Variants in LIMS1 observed in about 807,000 individuals in gnomAD.
LIMS1 encodes the protein LIM zinc finger domain containing 1.
In LIMS1, 18 loss-of-function variants were observed where a neutral mutation model predicts 44.1. The ratio of observed to expected loss-of-function variants is 0.41; its 90% CI spans 0.28 to 0.61. The LOEUF is 0.61. Ranked by LOEUF, LIMS1 falls within the 20% of genes least tolerant of loss-of-function variation. LIMS1 has a pLI of 0.32. For synonymous variants in LIMS1, 93 were observed against 149.1 expected (o/e 0.62, Z 2.74); for missense variants, 201 against 422.0 (o/e 0.48, Z 4.59).
At chr2:108,635,899 G>A (rs1197253043) in intron 1 of LIMS1, among the ~76,000 whole-genome samples, 4 of 152,264 alleles carry the variant, frequency 2.6e-5, no homozygotes, top group Middle Eastern at 3.4e-3. Context: ...TGGAGAAAGA[G>A]CCCAAAAGGT....
intron 1 of LIMS1, among the ~76,000 whole-genome samples, chr2:108,641,168 A>AT (rs1172218101): frequency 1.3e-5 from 2 of 152,154 alleles, no homozygotes; most frequent in Admixed American, 1.3e-4. Flanking sequence ...ATTTTAGATG[A>AT]TTTTAAGACT....
intron 1 of LIMS1, among the ~76,000 whole-genome samples, chr2:108,617,931 G>C (rs1688019238): frequency 6.6e-6 from 1 of 152,208 alleles, no homozygotes; most frequent in Non-Finnish European, 1.5e-5. Context: ...GTTGTAATTA[G>C]GGCCAGACCA....
At chr2:108,553,589 G>T (rs1444775353) in intron 1 of LIMS1, among the ~76,000 whole-genome samples, 2 of 152,072 alleles carry the variant, frequency 1.3e-5, no homozygotes, top group Admixed American at 1.3e-4. Flanking sequence ...CTATTTTGTG[G>T]TCTTCTCTTT....
chr2:108,673,020 C>T, exon 5 of LIMS1: 1 of 1,351,024 alleles, frequency 7.4e-7, no homozygotes, highest in Non-Finnish European at 1.0e-6. Flanking sequence ...TTCAACTGCG[C>T]CAACTGCGGG....
At chr2:108,664,840 G>T (rs12053417) in intron 2 of LIMS1, among the ~76,000 whole-genome samples, 54,524 of 151,768 alleles carry the variant, frequency 0.36, 11,495 homozygotes, top group East Asian at 0.88. Context: ...ATGAATGGTG[G>T]CAAGGAAATC....
At chr2:108,630,239 AGCCT>A (rs1688832477) in intron 1 of LIMS1, among the ~76,000 whole-genome samples, 1 of 151,394 alleles carries the variant, frequency 6.6e-6, no homozygotes, top group Non-Finnish European at 1.5e-5. Flanking sequence ...ACCAGAAGAC[AGCCT>A]GCCTCACTTA....
chr2:108,614,887 C>G (rs72833166), intron 1 of LIMS1, among the ~76,000 whole-genome samples: 8 of 152,264 alleles, frequency 5.3e-5, no homozygotes, highest in Non-Finnish European at 1.2e-4. Flanking sequence ...TTAAGACACA[C>G]CCCTTGAATT....
chr2:108,541,436 C>T (rs1399165996), intron 1 of LIMS1, among the ~76,000 whole-genome samples: 2 of 152,222 alleles, frequency 1.3e-5, no homozygotes, highest in East Asian at 3.8e-4. Context: ...GTAGATTCAA[C>T]AGGATTTGTT....
intron 1 of LIMS1, among the ~76,000 whole-genome samples, chr2:108,549,363 C>T (rs910748722): frequency 5.6e-5 from 7 of 124,046 alleles, no homozygotes; most frequent in Admixed American, 2.0e-4. Context: ...GGCATGATCT[C>T]GGCTCACTGC....
At chr2:108,662,070 G>T (rs1204500417) in intron 2 of LIMS1, among the ~76,000 whole-genome samples, 7 of 152,068 alleles carry the variant, frequency 4.6e-5, no homozygotes, top group African/African-American at 1.7e-4. Context: ...CCTTAGGAGA[G>T]CTCGGTCCAG....
exon 1 of LIMS1, chr2:108,534,407 C>A (rs1268662326): frequency 7.8e-6 from 3 of 382,536 alleles, no homozygotes; most frequent in East Asian, 5.9e-5. Context: ...CGCCTTCCCC[C>A]CCCTCCCGCG....
chr2:108,579,942 A>T (rs1182084777), intron 1 of LIMS1, among the ~76,000 whole-genome samples: 15 of 152,240 alleles, frequency 9.9e-5, no homozygotes, highest in Non-Finnish European at 1.5e-5. Context: ...GAGATGTGAC[A>T]GGCAGATCCG....
At chr2:108,611,852 T>TATATATATAC (rs1335990866) in intron 1 of LIMS1, among the ~76,000 whole-genome samples, 2 of 141,330 alleles carry the variant, frequency 1.4e-5, no homozygotes, top group African/African-American at 2.6e-5. Context: ...TATATATATA[T>TATATATATAC]ATACACACAT....
chr2:108,664,711 T>C lies in LIMS1; in HGVS notation c.192+4947T>C, dbSNP rs555481950. ...CTCAAAAGTTGAGCTATACTATGTTTGATCATTTCTACACACTGTAGAAAA... is the reference window on the plus strand; with the variant it reads ...CTCAAAAGTTGAGCTATACTATGTTCGATCATTTCTACACACTGTAGAAAA... On this transcript the variant is annotated intron_variant, in intron 2 of 9. Coordinates refer to ENST00000544547, the Ensembl canonical transcript of LIMS1. Among the ~76,000 whole-genome samples the C allele has an allele frequency of 2.6e-5, 4 of 152,302 alleles. No individual in the cohort carries two copies. In the East Asian group the frequency reaches 7.7e-4, roughly 29 times the overall value.
At chr2:108,611,921 A>AAT (rs554062151) in intron 1 of LIMS1, among the ~76,000 whole-genome samples, 3 of 82,218 alleles carry the variant, frequency 3.6e-5, no homozygotes, top group Non-Finnish European at 5.4e-5. Context: ...ACACATATAA[A>AAT]ATATATATAT....
chr2:108,659,143 G>GTCTA (rs1406275113), intron 1 of LIMS1: 1 of 980,852 alleles, frequency 1.0e-6, no homozygotes, highest in Non-Finnish European at 1.2e-6. Context: ...GATAACCCGT[G>GTCTA]TCTAGGTTAT....
chr2:108,598,934 T>C (rs1256141348), intron 1 of LIMS1, among the ~76,000 whole-genome samples: 2 of 152,170 alleles, frequency 1.3e-5, no homozygotes. Context: ...GTCTCTAAAC[T>C]TCAGTCTGTG....
chr2:108,561,779 G>A (rs1376405491), intron 1 of LIMS1, among the ~76,000 whole-genome samples: 1 of 134,572 alleles, frequency 7.4e-6, no homozygotes, highest in Non-Finnish European at 1.5e-5. Context: ...GTCTCACTCT[G>A]TTGCCAGGCT....
chr2:108,648,184 G>A, intron 1 of LIMS1, among the ~76,000 whole-genome samples: 1 of 152,078 alleles, frequency 6.6e-6, no homozygotes, highest in East Asian at 1.9e-4. Flanking sequence ...GACAAACGGA[G>A]AGCCAAATCA....
Sources: allele counts gnomAD v4.1 joint callset (sites outside exome capture counted in the v4.1 genomes callset), GRCh38; gene constraint gnomAD v4.1.1; transcripts MANE v1.5; gene names NCBI Gene and HGNC (gene_info 2026-07-23, HGNC 2026-07-21).